Variants in SEMA5A observed in about 807,000 individuals in gnomAD.
SEMA5A encodes the protein semaphorin-5A.
In SEMA5A, 55 loss-of-function variants were observed where a neutral mutation model predicts 135.5. The observed-to-expected ratio is 0.41, with a 90% CI of 0.33 to 0.51. The LOEUF (loss-of-function observed/expected upper bound fraction) is 0.51, where lower values mean the gene tolerates loss of function less well. SEMA5A is among the 20% of genes least tolerant of loss of function. The pLI is 0.37. For missense variants in SEMA5A, 1,290 were observed against 1,419.9 expected (o/e 0.91, Z 1.47); for synonymous variants, 580 against 546.5 (o/e 1.06, Z -0.85).
At chr5:9,103,169 C>T (rs1424577185) in intron 16 of SEMA5A, among the ~76,000 whole-genome samples, 2 of 152,160 alleles carry the variant, frequency 1.3e-5, no homozygotes, top group Admixed American at 6.5e-5. Context: ...TCTCCAGTTG[C>T]AGGGTTTTTG....
intron 16 of SEMA5A, among the ~76,000 whole-genome samples, chr5:9,084,198 A>G (rs1402543724): frequency 6.6e-6 from 1 of 152,232 alleles, no homozygotes; most frequent in Non-Finnish European, 1.5e-5. Context: ...GGTTTTGTAA[A>G]TACTCAAGAT....
chr5:9,388,104 C>T (rs1755977323), intron 2 of SEMA5A, among the ~76,000 whole-genome samples: 1 of 152,096 alleles, frequency 6.6e-6, no homozygotes, highest in Non-Finnish European at 1.5e-5. Context: ...GCTTTGTTAC[C>T]CACAGATTTT....
At chr5:9,354,229 C>T (rs925665656) in intron 3 of SEMA5A, among the ~76,000 whole-genome samples, 2 of 152,166 alleles carry the variant, frequency 1.3e-5, no homozygotes, top group African/African-American at 4.8e-5. Context: ...TGCCAAGACC[C>T]ATAAGCCAGG....
intron 5 of SEMA5A, among the ~76,000 whole-genome samples, chr5:9,279,495 C>A (rs142931830): frequency 2.6e-5 from 4 of 152,064 alleles, no homozygotes. Context: ...TGTTGGGAAG[C>A]CCTGATTGTT....
At chr5:9,101,231 C>A (rs113834928) in intron 16 of SEMA5A, among the ~76,000 whole-genome samples, 1 of 152,172 alleles carries the variant, frequency 6.6e-6, no homozygotes, top group Admixed American at 6.5e-5. Context: ...AGTCCTTAAC[C>A]TTTTCAATTA....
At chr5:9,051,803 C>T (rs1736591544) in intron 20 of SEMA5A, 70 bp downstream of exon 20, 2 of 1,587,966 alleles carry the variant, frequency 1.3e-6, no homozygotes, top group African/African-American at 1.3e-5. Flanking sequence ...AAAACTCTGA[C>T]CTATGAATCA....
intron 16 of SEMA5A, among the ~76,000 whole-genome samples, chr5:9,094,174 C>T (rs1739194632): frequency 6.6e-6 from 1 of 152,186 alleles, no homozygotes; most frequent in African/African-American, 2.4e-5. Flanking sequence ...ATTCTTTACA[C>T]ACAGTATGTA....
intron 5 of SEMA5A, among the ~76,000 whole-genome samples, chr5:9,281,095 T>C (rs932286165): frequency 2.0e-5 from 3 of 152,184 alleles, no homozygotes; most frequent in Non-Finnish European, 2.9e-5. Context: ...TGAATTAAGA[T>C]GAGTTATCAG....
At chr5:9,515,855 C>T (rs749984743) in intron 1 of SEMA5A, among the ~76,000 whole-genome samples, 38 of 152,216 alleles carry the variant, frequency 2.5e-4, no homozygotes, top group Non-Finnish European at 4.4e-4. Flanking sequence ...AAACTGTGTT[C>T]CCTAGTCAAG....
At chr5:9,310,903 T>C (rs1752099074) in intron 5 of SEMA5A, among the ~76,000 whole-genome samples, 1 of 150,786 alleles carries the variant, frequency 6.6e-6, no homozygotes, top group Non-Finnish European at 1.5e-5. Flanking sequence ...CACATATGAA[T>C]CTTTAGTGTT....
intron 1 of SEMA5A, among the ~76,000 whole-genome samples, chr5:9,512,528 T>C (rs1736267356): frequency 6.6e-6 from 1 of 151,230 alleles, no homozygotes; most frequent in East Asian, 1.9e-4. Flanking sequence ...CCTTTCTATC[T>C]TTTTTTTTCT....
At chr5:9,184,119 C>CT (rs1211943128) in intron 11 of SEMA5A, among the ~76,000 whole-genome samples, 1 of 147,138 alleles carries the variant, frequency 6.8e-6, no homozygotes, top group African/African-American at 2.6e-5. Context: ...TTGTGAGTGT[C>CT]TGTTTTTTTT....
At position 9,036,248 on chromosome 5, in the gene SEMA5A, C is replaced by T. The variant is rs2150007500; in HGVS notation, c.*6649G>A. ...TGCAGAGGTTCAGCTTGCTTTTGGC[C>T]AACAGTCATGGTAAAAGAGAAAAAC... is the stretch of plus-strand genomic sequence containing the variant. On this transcript the variant is annotated 3_prime_UTR_variant, in exon 23 of 23. Transcript: ENST00000382496. 1 of 151,942 alleles carries T rather than the reference C, an allele frequency of 6.6e-6. No individual in the cohort carries two copies. Among genetic ancestry groups the T allele is most frequent in the South Asian group, 2.1e-4 (1 of 4,826 alleles). 9.4% of individuals were successfully genotyped at this position (151,942 alleles called of 1,614,324 possible). A position where few individuals can be genotyped will look rare whatever the true frequency, so the allele number is the denominator to read the frequency against.
intron 2 of SEMA5A, among the ~76,000 whole-genome samples, chr5:9,433,101 G>A (rs892974579): frequency 7.2e-5 from 11 of 152,082 alleles, no homozygotes; most frequent in African/African-American, 2.7e-4. Context: ...TACAAATATT[G>A]TTATTGTCCG....
intron 1 of SEMA5A, among the ~76,000 whole-genome samples, chr5:9,457,041 A>C (rs1414839343): frequency 1.3e-5 from 2 of 152,190 alleles, no homozygotes; most frequent in Admixed American, 6.5e-5. Flanking sequence ...CCCCCTACAC[A>C]TTCTAGATCG....
At chr5:9,100,959 T>C (rs748772404) in intron 16 of SEMA5A, among the ~76,000 whole-genome samples, 3 of 151,794 alleles carry the variant, frequency 2.0e-5, no homozygotes, top group Non-Finnish European at 4.4e-5. Context: ...GAGGAGAAAG[T>C]GAAAAAAAAG....
intron 8 of SEMA5A, among the ~76,000 whole-genome samples, chr5:9,222,994 CTTGATTT>C (rs570521280): frequency 8.5e-5 from 13 of 152,312 alleles, no homozygotes; most frequent in Middle Eastern, 3.4e-3. Context: ...GATAGGGATT[CTTGATTT>C]TTAAGTGGAA....
chr5:9,161,123 A>AG (rs1386299273), intron 11 of SEMA5A, among the ~76,000 whole-genome samples: 1 of 106,668 alleles, frequency 9.4e-6, no homozygotes, highest in Non-Finnish European at 2.3e-5. Flanking sequence ...TGTGTTTTTT[A>AG]GTGGGGAATT....
chr5:9,357,452 C>T (rs3797993), intron 3 of SEMA5A, among the ~76,000 whole-genome samples: 2,499 of 152,230 alleles, frequency 0.016, 87 homozygotes, highest in East Asian at 0.13. Flanking sequence ...CACAAACAAC[C>T]GACCAAGCCC....
Sources: gnomAD v4.1 joint callset for allele counts (sites outside exome capture counted in the v4.1 genomes callset) on GRCh38, gnomAD v4.1.1 for gene constraint, MANE v1.5 for transcripts, NCBI Gene and HGNC (gene_info 2026-07-23, HGNC 2026-07-21) for gene names.